CNOT9: variants seen among roughly 807,000 people sequenced by gnomAD.
The protein encoded by CNOT9 is CCR4-NOT transcription complex subunit 9.
A neutral mutation model predicts 37.4 loss-of-function variants in CNOT9; 8 were observed. The ratio of observed to expected loss-of-function variants is 0.21; its 90% CI spans 0.13 to 0.39. CNOT9 has a LOEUF of 0.39. CNOT9 is among the 10% of genes least tolerant of loss of function. The pLI, the probability that CNOT9 is intolerant of heterozygous loss-of-function variation, is 1.00. For synonymous variants in CNOT9, 120 were observed against 137.6 expected, an observed-to-expected ratio of 0.87 and a Z score of 0.90; for missense variants, 154 against 365.3, an observed-to-expected ratio of 0.42 and a Z score of 4.71.
At chr2:218,572,562 T>C in intron 1 of CNOT9, 2 of 402,420 alleles carry the variant, frequency 5.0e-6, no homozygotes, top group Non-Finnish European at 6.7e-6. Context: ...TTAAAAATTT[T>C]CCAGGCTGCA....
Position 218,592,282 on chromosome 2 carries a change from C to A in CNOT9, c.541-22C>A, listed in dbSNP as rs1694805789. On this transcript the variant is annotated intron_variant, in intron 5 of 7. Coordinates refer to ENST00000273064, the MANE Select transcript of CNOT9 (RefSeq NM_005444.3). The surrounding 1 kb of genome is among the most constrained non-coding windows in gnomAD (Gnocchi z 4.1). ...TTAAATCTGAGCAACTTTATAAACT[C>A]TTCGATTTTGTTTTGCTTCAGGTTG... The A allele has an allele frequency of 6.4e-7, 1 of 1,563,960 alleles. No individual in the cohort carries two copies. The highest frequency in any genetic ancestry group is 1.4e-5 in the African/African-American group (1 of 73,726).
intron 3 of CNOT9, among the ~76,000 whole-genome samples, chr2:218,583,770 C>T (rs1187870813): frequency 6.6e-6 from 1 of 152,144 alleles, no homozygotes; most frequent in Non-Finnish European, 1.5e-5. Flanking sequence ...AAGAAAATTA[C>T]TTTTAAGCAC....
At chr2:218,589,311 AAGTG>A (rs1206392573) in intron 5 of CNOT9, 1 of 152,140 alleles carries the variant, frequency 6.6e-6, no homozygotes, top group African/African-American at 2.4e-5. Context: ...TGTGCTGTCT[AAGTG>A]AGCACTGGTT....
intron 1 of CNOT9, 21 bp downstream of exon 1, chr2:218,568,999 G>C (rs1693835288): frequency 6.2e-7 from 1 of 1,611,052 alleles, no homozygotes; most frequent in South Asian, 1.1e-5. Context: ...GGGCCCCCAG[G>C]CTTGGAACCA....
At position 218,592,562 on chromosome 2, in the gene CNOT9, T is replaced by C. The variant is rs1455223615; in HGVS notation, c.640-54T>C. The C allele has an allele frequency of 3.2e-6, 5 of 1,567,788 alleles. No individual in the cohort carries two copies. Among genetic ancestry groups the C allele is most frequent in the Non-Finnish European group, 4.4e-6 (5 of 1,137,904 alleles). On this transcript the variant is annotated intron_variant, in intron 6 of 7. Transcript: ENST00000273064. The surrounding 1 kb of genome is among the most constrained non-coding windows in gnomAD (Gnocchi z 4.1). ...CTGATCTCTGATGTCAATTAGAATT[T>C]GTTTGTGTTTTGTGTGTTTTTTCCA...
rs34596336 is a variant in CNOT9, at chr2:218,573,318, TAAAAA to T, written c.24+4356_24+4360del. ...GGGCAACAAGAGCGAAACTCCATCTTAAAAAAAAAAAAAAAAAAAAGATACATTCT... is the reference window on the plus strand; with the variant it reads ...GGGCAACAAGAGCGAAACTCCATCTTAAAAAAAAAAAAAAAGATACATTCT... On this transcript the variant is annotated intron_variant, in intron 1 of 7. Transcript: ENST00000273064. Among the ~76,000 whole-genome samples the T allele has an allele frequency of 3.0e-5, 4 of 132,848 alleles. No individual in the cohort carries two copies. In the South Asian group the frequency reaches 7.2e-4, roughly 24 times the overall value. 87.2% of individuals were successfully genotyped at this position (132,848 alleles called of 152,430 possible). A position where few individuals can be genotyped will look rare whatever the true frequency, so the allele number is the denominator to read the frequency against.
chr2:218,577,261 A>G (rs1194724033), intron 1 of CNOT9, among the ~76,000 whole-genome samples: 6 of 152,172 alleles, frequency 3.9e-5, no homozygotes, highest in Non-Finnish European at 8.8e-5. Context: ...ACAGGTGGGT[A>G]TTCAGTTGGT....
At chr2:218,569,341 C>T (rs146351982) in intron 1 of CNOT9, among the ~76,000 whole-genome samples, 1 of 152,278 alleles carries the variant, frequency 6.6e-6, no homozygotes, top group East Asian at 1.9e-4. Flanking sequence ...CTGACGCGGC[C>T]CCTGCTCTTA....
At chr2:218,586,139 G>C (rs1276605182) in intron 4 of CNOT9, among the ~76,000 whole-genome samples, 1 of 152,092 alleles carries the variant, frequency 6.6e-6, no homozygotes, top group Non-Finnish European at 1.5e-5. Context: ...TCCCCAAACT[G>C]ATCTATAGAT....
intron 1 of CNOT9, among the ~76,000 whole-genome samples, chr2:218,570,692 G>A (rs938234545): frequency 2.0e-5 from 3 of 152,114 alleles, no homozygotes; most frequent in African/African-American, 7.2e-5. Flanking sequence ...TTTTATCTTC[G>A]ATACTGAGCC....
chr2:218,569,110 C>A, intron 1 of CNOT9, 132 bp downstream of exon 1: 1 of 957,022 alleles, frequency 1.0e-6, no homozygotes, highest in Non-Finnish European at 1.6e-6. Flanking sequence ...GGCCCCGGTT[C>A]CCCTCCTCGG....
chr2:218,579,146 T>TA lies in CNOT9; in HGVS notation c.25-1408dup, dbSNP rs997775077. On this transcript the variant is annotated intron_variant, in intron 1 of 7. Transcript: ENST00000273064. ...AAACTATTATATGCATATGGTTTTTTAAAAAAAGTTTATGCAAAAGGTTTT... is the reference window on the plus strand; with the variant it reads ...AAACTATTATATGCATATGGTTTTTTAAAAAAAAGTTTATGCAAAAGGTTTT... Among the ~76,000 whole-genome samples the TA allele has an allele frequency of 2.6e-5, 4 of 152,158 alleles. 1 individual carries two copies. Among genetic ancestry groups the TA allele is most frequent in the Non-Finnish European group, 4.4e-5 (3 of 68,028 alleles).
chr2:218,569,102 C>T (rs1464666112), intron 1 of CNOT9, 124 bp downstream of exon 1: 1 of 995,498 alleles, frequency 1.0e-6, no homozygotes, highest in Non-Finnish European at 1.5e-6. Flanking sequence ...ATCTCCAAGG[C>T]CCCGGTTCCC....
At chr2:218,587,532 G>A in intron 4 of CNOT9, 54 bp from the exon 5 acceptor site, 1 of 1,470,874 alleles carries the variant, frequency 6.8e-7, no homozygotes. Context: ...CGAAGTTAAT[G>A]TTAACTGGAA....
intron 1 of CNOT9, among the ~76,000 whole-genome samples, chr2:218,571,039 A>G (rs943054808): frequency 6.6e-6 from 1 of 152,190 alleles, no homozygotes; most frequent in Non-Finnish European, 1.5e-5. Flanking sequence ...AGCAAACTGC[A>G]TTATTCTGAT....
At position 218,584,666 on chromosome 2, in the gene CNOT9, T is replaced by G; in HGVS notation, c.375T>G (p.Thr125=). The G allele has an allele frequency of 6.2e-7, 1 of 1,614,084 alleles. No homozygotes were observed. Among genetic ancestry groups the G allele is most frequent in the Non-Finnish European group, 8.5e-7 (1 of 1,179,918 alleles). ...IPLFLYPFLH[T]VSKTRPFEYL... is the part of the protein sequence containing the mutation. ...TTTTTTTGTACCCCTTTTTGCACAC[T>G]GTCAGCAAAACACGTCCCTTTGAGT... Residue 125 remains threonine (T), a synonymous_variant, in exon 4 of 8, where the codon ACT becomes ACG. Coordinates refer to ENST00000273064, the MANE Select transcript of CNOT9 (RefSeq NM_005444.3).
intron 5 of CNOT9, chr2:218,589,290 A>G (rs902292253): frequency 5.9e-5 from 9 of 152,018 alleles, no homozygotes; most frequent in African/African-American, 2.2e-4. Context: ...TGTTGTTCCA[A>G]TTTTAGTACA....
intron 1 of CNOT9, among the ~76,000 whole-genome samples, chr2:218,575,387 CTTTTTTTT>C (rs71064461): frequency 3.1e-5 from 4 of 127,236 alleles, no homozygotes; most frequent in African/African-American, 1.1e-4. Flanking sequence ...TTTCTTTTTT[CTTTTTTTT>C]TTTTTTTTTG....
At chr2:218,586,337 TA>T (rs1431949259) in intron 4 of CNOT9, among the ~76,000 whole-genome samples, 2 of 152,168 alleles carry the variant, frequency 1.3e-5, no homozygotes, top group Admixed American at 6.5e-5. Context: ...CTCATGAGGT[TA>T]GTATTCTTCT....
Sources: allele counts gnomAD v4.1 joint callset (sites outside exome capture counted in the v4.1 genomes callset), GRCh38; gene constraint gnomAD v4.1.1; non-coding constraint Gnocchi (gnomAD v3.1); transcripts MANE v1.5; gene names NCBI Gene and HGNC (gene_info 2026-07-23, HGNC 2026-07-21).